The following LRRC4C variants were observed in gnomAD, a reference collection of about 807,000 sequenced individuals.
LRRC4C encodes leucine-rich repeat-containing protein 4C.
A neutral mutation model predicts 33.6 loss-of-function variants in LRRC4C; 5 were observed. The ratio of observed to expected loss-of-function variants is 0.15; its 90% CI spans 0.08 to 0.31. The LOEUF is 0.31. Ranked by LOEUF, LRRC4C falls within the 10% of genes least tolerant of loss-of-function variation. The pLI, the probability that LRRC4C is intolerant of heterozygous loss-of-function variation, is 1.00. For missense variants in LRRC4C, 560 were observed against 796.7 expected (o/e 0.70, Z 3.58); for synonymous variants, 329 against 302.0 (o/e 1.09, Z -0.93).
intron 1 of LRRC4C, among the ~76,000 whole-genome samples, chr11:40,949,196 C>T (rs917681458): frequency 1.6e-4 from 25 of 152,082 alleles, no homozygotes; most frequent in African/African-American, 6.0e-4. Context: ...ATGTCCTTCG[C>T]CCACATTTTG....
intron 1 of LRRC4C, among the ~76,000 whole-genome samples, chr11:41,293,073 G>A (rs902529024): frequency 1.3e-5 from 2 of 152,028 alleles, no homozygotes; most frequent in Non-Finnish European, 2.9e-5. Context: ...CAGCATATAC[G>A]ATGTCATAGA....
chr11:40,197,952 A>G (rs1363009205), intron 5 of LRRC4C, among the ~76,000 whole-genome samples: 1 of 152,186 alleles, frequency 6.6e-6, no homozygotes, highest in African/African-American at 2.4e-5. Flanking sequence ...AAAACAAGCT[A>G]GACATGATCA....
intron 3 of LRRC4C, among the ~76,000 whole-genome samples, chr11:40,533,557 C>G (rs1956356550): frequency 6.6e-6 from 1 of 152,146 alleles, no homozygotes; most frequent in Non-Finnish European, 1.5e-5. Context: ...TTTTCTTACT[C>G]TCTGTGCTGC....
At chr11:40,530,903 C>T (rs1373144942) in intron 3 of LRRC4C, among the ~76,000 whole-genome samples, 1 of 152,020 alleles carries the variant, frequency 6.6e-6, no homozygotes, top group African/African-American at 2.4e-5. Flanking sequence ...GTTTAACTCC[C>T]GATTCTACTG....
At chr11:40,931,134 T>C (rs1957601841) in intron 2 of LRRC4C, among the ~76,000 whole-genome samples, 1 of 152,134 alleles carries the variant, frequency 6.6e-6, no homozygotes, top group Non-Finnish European at 1.5e-5. Context: ...TGCTGATCCA[T>C]ATGAGTTAGT....
chr11:40,786,130 C>T (rs1476483989), intron 2 of LRRC4C, among the ~76,000 whole-genome samples: 1 of 152,176 alleles, frequency 6.6e-6, no homozygotes, highest in East Asian at 1.9e-4. Flanking sequence ...ATGCTTTCAG[C>T]TGTGAGTTTT....
chr11:41,355,817 A>G (rs1359879955), intron 1 of LRRC4C, among the ~76,000 whole-genome samples: 1 of 152,116 alleles, frequency 6.6e-6, no homozygotes, highest in Non-Finnish European at 1.5e-5. Flanking sequence ...GAATCATAGT[A>G]GAATACATTC....
At position 40,347,899 on chromosome 11, in the gene LRRC4C, C is replaced by T. The variant is rs191607000; in HGVS notation, c.-269-28178G>A. ...CTGGTATTACAGGCGTGAGCCACTGCACCCTGCCCATTTGAAAACATTTTA... is the reference window on the plus strand; with the variant it reads ...CTGGTATTACAGGCGTGAGCCACTGTACCCTGCCCATTTGAAAACATTTTA... On this transcript the variant is annotated intron_variant, in intron 3 of 6. Transcript: ENST00000528697. 1.5e-4 allele frequency among the ~76,000 whole-genome samples: 23 copies of T among 152,318 alleles called. No individual in the cohort carries two copies. The East Asian group carries it at 4.2e-3, about 28-fold the overall frequency.
rs1173880022 is a variant in LRRC4C at position 41,049,002 on chromosome 11, G to A, written c.-495-115279C>T. Among the ~76,000 whole-genome samples the A allele has an allele frequency of 5.3e-5, 8 of 152,318 alleles. No homozygotes were observed. The East Asian group carries it at 1.2e-3, about 22-fold the overall frequency. On this transcript the variant is annotated intron_variant, in intron 1 of 6. Transcript: ENST00000528697. The stretch of plus-strand genomic sequence containing the variant: ...CGTAATGAGTTTGAAGAGTTAGGCA[G>A]GTACTAGGTATGTAGAGCTTGGTAG...
At chr11:40,778,915 G>GT (rs759803570) in intron 2 of LRRC4C, among the ~76,000 whole-genome samples, 6 of 152,302 alleles carry the variant, frequency 3.9e-5, no homozygotes, top group Middle Eastern at 3.4e-3. Flanking sequence ...TAGCCAATGT[G>GT]TTTCACTTCT....
At chr11:40,526,629 A>T (rs7111399) in intron 3 of LRRC4C, among the ~76,000 whole-genome samples, 13,357 of 152,168 alleles carry the variant, frequency 0.088, 1,668 homozygotes, top group African/African-American at 0.28. Flanking sequence ...GGCATAAGTA[A>T]TTTGGAAAGT....
intron 1 of LRRC4C, among the ~76,000 whole-genome samples, chr11:40,969,464 A>G (rs1299086968): frequency 3.5e-5 from 5 of 144,368 alleles, no homozygotes; most frequent in African/African-American, 1.4e-4. Flanking sequence ...TTACACTACA[A>G]AAAAAAAAAA....
chr11:40,583,571 T>C (rs1347349044), intron 3 of LRRC4C, among the ~76,000 whole-genome samples: 8 of 152,236 alleles, frequency 5.3e-5, no homozygotes, highest in African/African-American at 1.9e-4. Flanking sequence ...ATTTTTCTAG[T>C]CTAAAATTCA....
chr11:40,886,967 TAC>T (rs1565170345), intron 2 of LRRC4C, among the ~76,000 whole-genome samples: 1 of 145,170 alleles, frequency 6.9e-6, no homozygotes, highest in Non-Finnish European at 1.5e-5. Flanking sequence ...TGTATATATA[TAC>T]ATATATATAT....
intron 1 of LRRC4C, among the ~76,000 whole-genome samples, chr11:41,289,875 G>A (rs960488562): frequency 1.5e-4 from 23 of 152,154 alleles, no homozygotes; most frequent in African/African-American, 5.3e-4. Context: ...GAAATCAGAT[G>A]TAAGGAGAGT....
At chr11:40,713,346 T>G (rs1236118292) in intron 2 of LRRC4C, among the ~76,000 whole-genome samples, 1 of 152,164 alleles carries the variant, frequency 6.6e-6, no homozygotes, top group Non-Finnish European at 1.5e-5. Flanking sequence ...CTTTAGAAAA[T>G]TTGTACCTAG....
chr11:40,828,003 T>C lies in LRRC4C; in HGVS notation c.-407+105632A>G, dbSNP rs766249925. On this transcript the variant is annotated intron_variant, in intron 2 of 6. Transcript: ENST00000528697. Reference sequence around the variant, plus strand: ...AGATTCTTTTAGAGTCTCTTCTACATGGTTAGAAGTCTAATAATATAGCAG... The same window carrying C: ...AGATTCTTTTAGAGTCTCTTCTACACGGTTAGAAGTCTAATAATATAGCAG... 9.9e-5 allele frequency among the ~76,000 whole-genome samples: 15 copies of C among 151,916 alleles called. No individual in the cohort carries two copies. In the Middle Eastern group the frequency reaches 0.01, roughly 103 times the overall value.
At chr11:41,394,097 T>C (rs1343700856) in intron 1 of LRRC4C, among the ~76,000 whole-genome samples, 1 of 151,986 alleles carries the variant, frequency 6.6e-6, no homozygotes, top group African/African-American at 2.4e-5. Flanking sequence ...TCAAAGTCTC[T>C]ATCCTTCACT....
chr11:40,750,083 G>A (rs2136977975), intron 2 of LRRC4C, among the ~76,000 whole-genome samples: 1 of 152,074 alleles, frequency 6.6e-6, no homozygotes, highest in African/African-American at 2.4e-5. Context: ...TACCTAGGCA[G>A]TAGTGGTGTG....
Sources: gnomAD v4.1 joint callset for allele counts (sites outside exome capture counted in the v4.1 genomes callset) on GRCh38, gnomAD v4.1.1 for gene constraint, MANE v1.5 for transcripts, NCBI Gene and HGNC (gene_info 2026-07-23, HGNC 2026-07-21) for gene names.